The following SORCS3 variants were observed in gnomAD, a reference collection of about 807,000 sequenced individuals.
SORCS3 encodes the protein VPS10 domain-containing receptor SorCS3.
A neutral mutation model predicts 146.3 loss-of-function variants in SORCS3; 57 were observed. The observed-to-expected ratio is 0.39, with a 90% CI of 0.31 to 0.49. The LOEUF is 0.49. Ranked by LOEUF, SORCS3 falls within the 20% of genes least tolerant of loss-of-function variation. The pLI is 0.92. For synonymous variants in SORCS3, 653 were observed against 618.5 expected (o/e 1.06, Z -0.83); for missense variants, 1,341 against 1,575.5 (o/e 0.85, Z 2.52).
chr10:104,833,873 C>A (rs961318827), intron 1 of SORCS3, among the ~76,000 whole-genome samples: 2 of 152,104 alleles, frequency 1.3e-5, no homozygotes, highest in East Asian at 1.9e-4. Flanking sequence ...TTAGGCATTT[C>A]GAAATTAATG....
chr10:104,929,940 T>C (rs1374542699), intron 3 of SORCS3, among the ~76,000 whole-genome samples: 1 of 152,092 alleles, frequency 6.6e-6, no homozygotes, highest in Non-Finnish European at 1.5e-5. Flanking sequence ...AATCACCTCA[T>C]TAAAGGGACA....
intron 1 of SORCS3, among the ~76,000 whole-genome samples, chr10:104,821,385 A>G (rs2017871153): frequency 6.6e-6 from 1 of 152,140 alleles, no homozygotes; most frequent in African/African-American, 2.4e-5. Context: ...TAAAGAGTGG[A>G]TAGCTGGAAG....
chr10:104,866,170 G>A (rs759218004), intron 2 of SORCS3, among the ~76,000 whole-genome samples: 129 of 152,314 alleles, frequency 8.5e-4, no homozygotes, highest in Middle Eastern at 6.8e-3. Flanking sequence ...AGGTACTTGA[G>A]GGTTTGAAGT....
chr10:104,860,140 T>C (rs2018383750), intron 2 of SORCS3, among the ~76,000 whole-genome samples: 1 of 120,620 alleles, frequency 8.3e-6, no homozygotes, highest in African/African-American at 3.0e-5. Context: ...TGCGGCACTA[T>C]TCACAATAGC....
intron 6 of SORCS3, among the ~76,000 whole-genome samples, chr10:105,099,918 T>G (rs997269240): frequency 6.6e-6 from 1 of 152,200 alleles, no homozygotes. Flanking sequence ...TGATGTTCTC[T>G]GCTTCCTGGA....
In SORCS3 at chr10:104,876,752, T is replaced by TC. The variant is rs1402447634; in HGVS notation, c.695+33893_695+33894insC. On this transcript the variant is annotated intron_variant, in intron 2 of 26. Transcript: ENST00000369701. ...CTTCCTTCCTTCCTTCCTTCCTTTC[T>TC]TTCTTTCTCTTCCTTCCTTCCTTTC... Among the ~76,000 whole-genome samples, 5 of 135,898 alleles carry TC rather than the reference T, an allele frequency of 3.7e-5. No homozygotes were observed. In the East Asian group the frequency reaches 6.8e-4, roughly 18 times the overall value. 89.2% of individuals were successfully genotyped at this position (135,898 alleles called of 152,430 possible). A position where few individuals can be genotyped will look rare whatever the true frequency, so the allele number is the denominator to read the frequency against.
intron 1 of SORCS3, among the ~76,000 whole-genome samples, chr10:104,744,158 C>G (rs1364400483): frequency 6.6e-6 from 1 of 152,176 alleles, no homozygotes; most frequent in Non-Finnish European, 1.5e-5. Context: ...CATTCTAGAG[C>G]TCTTCTCCTT....
intron 14 of SORCS3, among the ~76,000 whole-genome samples, chr10:105,190,323 A>G (rs2056508177): frequency 6.6e-6 from 1 of 152,238 alleles, no homozygotes; most frequent in Non-Finnish European, 1.5e-5. Flanking sequence ...AAATGGGAGT[A>G]ACGAATAAAA....
intron 16 of SORCS3, among the ~76,000 whole-genome samples, chr10:105,210,835 G>A (rs867757148): frequency 6.6e-5 from 10 of 151,928 alleles, no homozygotes; most frequent in Admixed American, 3.3e-4. Context: ...AGCATCCTCC[G>A]CATTTACTCC....
At chr10:105,053,091 C>CAG (rs149367420) in intron 5 of SORCS3, among the ~76,000 whole-genome samples, 3 of 151,622 alleles carry the variant, frequency 2.0e-5, no homozygotes, top group Non-Finnish European at 4.4e-5. Flanking sequence ...CATCCCATGG[C>CAG]AGAGAGAGAG....
At chr10:105,225,743 T>G (rs1028824020) in intron 20 of SORCS3, among the ~76,000 whole-genome samples, 2 of 152,040 alleles carry the variant, frequency 1.3e-5, no homozygotes, top group East Asian at 3.8e-4. Flanking sequence ...AGTTGTTATT[T>G]GATGTCTTTC....
chr10:105,038,906 T>C (rs1321275910), intron 4 of SORCS3, among the ~76,000 whole-genome samples: 1 of 152,202 alleles, frequency 6.6e-6, no homozygotes. Context: ...AAAAGTAATA[T>C]TTATTTATAA....
At chr10:105,179,688 G>C (rs531982341) in intron 14 of SORCS3, among the ~76,000 whole-genome samples, 2 of 152,312 alleles carry the variant, frequency 1.3e-5, no homozygotes, top group South Asian at 4.1e-4. Flanking sequence ...ACAAGCCCTG[G>C]AAGGGTTGCC....
intron 12 of SORCS3, among the ~76,000 whole-genome samples, chr10:105,165,157 G>A (rs946633771): frequency 1.3e-5 from 2 of 152,122 alleles, no homozygotes; most frequent in Admixed American, 6.6e-5. Context: ...GCTCCAGGAG[G>A]TAATTGAATA....
chr10:105,227,472 C>T (rs1362223294), intron 20 of SORCS3, among the ~76,000 whole-genome samples: 6 of 152,088 alleles, frequency 3.9e-5, no homozygotes, highest in Non-Finnish European at 7.4e-5. Flanking sequence ...AACATATGGT[C>T]GATCTTGGAG....
intron 6 of SORCS3, among the ~76,000 whole-genome samples, chr10:105,092,543 C>A (rs1031023132): frequency 2.0e-5 from 3 of 151,722 alleles, no homozygotes; most frequent in Non-Finnish European, 2.9e-5. Flanking sequence ...CATACCCTAA[C>A]AAAATGCATA....
chr10:104,837,639 C>A, intron 1 of SORCS3, among the ~76,000 whole-genome samples: 1 of 152,168 alleles, frequency 6.6e-6, no homozygotes, highest in East Asian at 1.9e-4. Context: ...TCCTATTTTT[C>A]TCTCCAAGAA....
At position 104,977,420 on chromosome 10, in the gene SORCS3, C is replaced by G; in HGVS notation, c.881C>G (p.Thr294Ser). Reference sequence around the variant, plus strand: ...GCGACCTATCAGAAGTATCGGCTCACCTTCTATATCCAGAGCCTGCTCTTT... The same window carrying G: ...GCGACCTATCAGAAGTATCGGCTCAGCTTCTATATCCAGAGCCTGCTCTTT... ...EGATYQKYRL[T>S]FYIQSLLFHP... Residue 294 changes from threonine (T) to serine (S), a missense_variant, in exon 4 of 27, where the codon ACC (threonine) becomes AGC (serine). Physicochemically the swap from Thr to Ser is moderately conservative, Grantham distance 58. Coordinates refer to ENST00000369701, the MANE Select transcript of SORCS3 (RefSeq NM_014978.3). 3 of 1,613,808 alleles carry G rather than the reference C, an allele frequency of 1.9e-6. No homozygotes were observed. The highest frequency in any genetic ancestry group is 2.5e-6 in the Non-Finnish European group (3 of 1,179,884).
chr10:104,847,645 A>G (rs926855516), intron 2 of SORCS3, among the ~76,000 whole-genome samples: 1 of 152,220 alleles, frequency 6.6e-6, no homozygotes, highest in African/African-American at 2.4e-5. Flanking sequence ...GGGTCTTCAC[A>G]GAGCTAAATG....
Sources: allele counts gnomAD v4.1 joint callset (sites outside exome capture counted in the v4.1 genomes callset), GRCh38; gene constraint gnomAD v4.1.1; transcripts MANE v1.5; gene names NCBI Gene and HGNC (gene_info 2026-07-23, HGNC 2026-07-21).